Variants in DPP4 observed in about 807,000 individuals in gnomAD.
DPP4 encodes dipeptidyl peptidase 4, also known as ADCP-2.
In DPP4, 93 loss-of-function variants were observed where a neutral mutation model predicts 122.4. The observed-to-expected ratio is 0.76, with a 90% confidence interval of 0.64 to 0.90. DPP4 has a LOEUF of 0.90. Among genes scored for constraint, DPP4 ranks in the 40% least tolerant of loss-of-function variants. The probability of loss-of-function intolerance (pLI) is 0.00; values close to 1 mark genes in which losing one functional copy is unlikely to be tolerated. For missense variants in DPP4, 914 were observed against 907.3 expected, an observed-to-expected ratio of 1.01 and a Z score of -0.09; for synonymous variants, 321 against 302.9, an observed-to-expected ratio of 1.06 and a Z score of -0.62.
rs373721374 is a variant in DPP4 at position 162,011,957 on chromosome 2, G to C, written c.1668C>G (p.Asp556Glu). ...TGGCCCAGTTCAGTCTGAAGACAGT[G>C]TCTGCTTTTTGACTACATGGGCCTG... The part of the protein sequence containing the change: ...VYAGPCSQKA[D>E]TVFRLNWATY... The change falls in exon 20 of 26, where the codon GAC (aspartate) becomes GAG (glutamate). Residue 556 changes from aspartate (D) to glutamate (E), a missense_variant. Asp to Glu is a conservative substitution (Grantham distance 45, BLOSUM62 2). Transcript: ENST00000360534. 1.2e-5 allele frequency: 20 copies of C among 1,613,588 alleles called. No homozygotes were observed. The highest frequency in any genetic ancestry group is 1.7e-5 in the Admixed American group (1 of 59,990).
chr2:162,032,483 G>C (rs941321250), intron 10 of DPP4, among the ~76,000 whole-genome samples: 1 of 152,034 alleles, frequency 6.6e-6, no homozygotes, highest in Non-Finnish European at 1.5e-5. Context: ...TCAGGAGTTC[G>C]AGACCAGCCT....
At chr2:162,067,170 G>A (rs1468659583) in intron 2 of DPP4, among the ~76,000 whole-genome samples, 1 of 152,198 alleles carries the variant, frequency 6.6e-6, no homozygotes, top group Non-Finnish European at 1.5e-5. Flanking sequence ...ATCAAATAAT[G>A]GAAGAATATA....
intron 2 of DPP4, among the ~76,000 whole-genome samples, chr2:162,048,379 C>A (rs180902560): frequency 2.6e-5 from 4 of 152,086 alleles, no homozygotes; most frequent in African/African-American, 9.7e-5. Context: ...CTCCTCTGCA[C>A]CACCACTAGA....
At chr2:162,038,817 C>T in intron 7 of DPP4, 132 bp downstream of exon 7, 1 of 796,678 alleles carries the variant, frequency 1.3e-6, no homozygotes, top group Admixed American at 2.5e-5. Flanking sequence ...ACATTAGATC[C>T]TGGGCAATAA....
In DPP4 at chr2:162,073,995, T is replaced by C; in HGVS notation, c.-14A>G. On this transcript the variant is annotated 5_prime_UTR_variant, in exon 1 of 26. Coordinates refer to ENST00000360534, the MANE Select transcript of DPP4 (RefSeq NM_001935.4). ...ACTCACCTTCATCGTCGGCGTCTCC[T>C]CGGAAGTGAGCGTTCAGAGAAGGAG... The C allele has an allele frequency of 1.2e-6, 2 of 1,611,168 alleles. No homozygotes were observed. The highest frequency in any genetic ancestry group is 1.7e-6 in the Non-Finnish European group (2 of 1,178,826).
At chr2:162,050,770 A>G (rs1416881760) in intron 2 of DPP4, among the ~76,000 whole-genome samples, 1 of 152,140 alleles carries the variant, frequency 6.6e-6, no homozygotes, top group Non-Finnish European at 1.5e-5. Context: ...AAGAGTGCCA[A>G]CTCCAGGTTT....
In DPP4 at chr2:162,013,046, T is replaced by C. The variant is rs1682762614; in HGVS notation, c.1638-1059A>G. Among the ~76,000 whole-genome samples, 3 of 152,060 alleles carry C rather than the reference T, an allele frequency of 2.0e-5. No homozygotes were observed. The South Asian group carries it at 6.2e-4, about 32-fold the overall frequency. ...ATGTGAAATGCCTTGCTCCTCTCAA[T>C]TATATTAAATTTGGTAGATTAAGAG... On this transcript the variant is annotated intron_variant, in intron 19 of 25. Coordinates refer to ENST00000360534, the MANE Select transcript of DPP4 (RefSeq NM_001935.4).
chr2:162,024,436 T>G (rs1217149924), intron 11 of DPP4, among the ~76,000 whole-genome samples: 1 of 152,220 alleles, frequency 6.6e-6, no homozygotes, highest in African/African-American at 2.4e-5. Flanking sequence ...AGCCAGTTAT[T>G]CCCCATTCCC....
chr2:161,999,835 G>A (rs544706165), intron 23 of DPP4, among the ~76,000 whole-genome samples: 1 of 152,292 alleles, frequency 6.6e-6, no homozygotes, highest in African/African-American at 2.4e-5. Flanking sequence ...CAGCTGCCAT[G>A]TTTTGAAAGC....
intron 21 of DPP4, 133 bp from the exon 22 acceptor site, chr2:162,008,794 C>A (rs1279984472): frequency 2.7e-6 from 2 of 736,558 alleles, no homozygotes; most frequent in African/African-American, 1.8e-5. Flanking sequence ...GTATAGGAGG[C>A]TTAAATTGGC....
chr2:162,045,625 A>G lies in DPP4; in HGVS notation c.286-13T>C, dbSNP rs573855944. 1 of 1,592,162 alleles carries G rather than the reference A, an allele frequency of 6.3e-7. No homozygotes were observed. Among genetic ancestry groups the G allele is most frequent in the South Asian group, 1.1e-5 (1 of 90,504 alleles). On this transcript the variant is annotated splice_polypyrimidine_tract_variant and intron_variant, in intron 4 of 25. Transcript: ENST00000360534. Reference sequence around the variant, plus strand: ...GTCCAAACTCATCCTGTCAAACAAGAAGAACAAAGAAAAATTGAACAATTC... The same window carrying G: ...GTCCAAACTCATCCTGTCAAACAAGGAGAACAAAGAAAAATTGAACAATTC...
intron 5 of DPP4, among the ~76,000 whole-genome samples, chr2:162,043,639 A>G (rs1034506896): frequency 6.6e-6 from 1 of 152,134 alleles, no homozygotes; most frequent in South Asian, 2.1e-4. Flanking sequence ...TTCTGTTTCT[A>G]CCTTACCTTC....
In DPP4 at chr2:162,046,919, G is replaced by A. The variant is rs750539982; in HGVS notation, c.281C>T (p.Thr94Ile). 22 of 1,566,500 alleles carry A rather than the reference G, an allele frequency of 1.4e-5. No individual in the cohort carries two copies. The highest frequency in any genetic ancestry group is 8.4e-5 in the Admixed American group (5 of 59,828). ...GNSSVFLENS[T>I]FDEFGHSIND... The stretch of plus-strand genomic sequence containing the variant: ...TAATTACGTGATTAAACATACAAAT[G>A]TACTGTTCTCCAAGAAAACTGAGCT... Residue 94 changes from threonine (T) to isoleucine (I), a missense_variant, in exon 4 of 26, where the codon ACA becomes ATA. By Grantham distance (89) the Thr-to-Ile change is moderately conservative. Coordinates refer to ENST00000360534, the MANE Select transcript of DPP4 (RefSeq NM_001935.4).
intron 5 of DPP4, among the ~76,000 whole-genome samples, chr2:162,044,914 T>C (rs548014982): frequency 1.8e-3 from 275 of 152,166 alleles, no homozygotes; most frequent in African/African-American, 6.3e-3. Context: ...CGGAATCTTT[T>C]CTGGAGGATG....
At chr2:162,045,920 C>T (rs907723766) in intron 4 of DPP4, among the ~76,000 whole-genome samples, 8 of 152,210 alleles carry the variant, frequency 5.3e-5, no homozygotes, top group South Asian at 4.1e-4. Flanking sequence ...TGGGAAAGGA[C>T]GTGGATGTTT....
intron 8 of DPP4, 56 bp from the exon 9 acceptor site, chr2:162,035,380 G>T: frequency 6.5e-7 from 1 of 1,541,244 alleles, no homozygotes; most frequent in Non-Finnish European, 8.9e-7. Flanking sequence ...ATTGGCTTTG[G>T]CATTCAAAAT....
chr2:162,033,892 A>G (rs1223523005), intron 9 of DPP4, among the ~76,000 whole-genome samples: 1 of 145,260 alleles, frequency 6.9e-6, no homozygotes, highest in Admixed American at 6.9e-5. Flanking sequence ...ATATATATAT[A>G]TACACACTAT....
intron 20 of DPP4, among the ~76,000 whole-genome samples, chr2:162,009,516 TGTGTG>T (rs1701366573): frequency 2.0e-5 from 2 of 99,808 alleles, no homozygotes; most frequent in African/African-American, 1.3e-4. Context: ...ATAAAAATTG[TGTGTG>T]TGTGTGTGTG....
intron 19 of DPP4, among the ~76,000 whole-genome samples, chr2:162,013,316 A>C (rs1682778578): frequency 6.6e-6 from 1 of 152,298 alleles, no homozygotes; most frequent in African/African-American, 2.4e-5. Context: ...ATTGGAGCCG[A>C]AGCCTAAAAC....
Sources: allele counts gnomAD v4.1 joint callset (sites outside exome capture counted in the v4.1 genomes callset), GRCh38; gene constraint gnomAD v4.1.1; transcripts MANE v1.5; gene names NCBI Gene and HGNC (gene_info 2026-07-23, HGNC 2026-07-21).